The following SLC33A2 variants were observed in gnomAD, a reference collection of about 807,000 sequenced individuals.
SLC33A2 encodes the protein solute carrier family 33 member 2, also known as major facilitator superfamily domain containing 3.
the SLC33A2 span, chr8:144,509,331 G>A: frequency 2.1e-6 from 3 of 1,458,570 alleles, no homozygotes; most frequent in Non-Finnish European, 9.0e-7. Flanking sequence ...GGCCTGAGCC[G>A]CCATGCGCGG....
chr8:144,509,928 C>T, the SLC33A2 span: 10 of 1,580,720 alleles, frequency 6.3e-6, no homozygotes, highest in Non-Finnish European at 7.7e-6. Flanking sequence ...TTCCGAGCAG[C>T]GTCCCCACAC....
the SLC33A2 span, chr8:144,509,304 C>T: frequency 3.0e-5 from 43 of 1,428,512 alleles, no homozygotes; most frequent in Non-Finnish European, 3.8e-5. Flanking sequence ...GGAACCCGAC[C>T]TCCCAGCCTC....
At chr8:144,509,510 G>A in the SLC33A2 span, 2 of 1,530,998 alleles carry the variant, frequency 1.3e-6, no homozygotes, top group Non-Finnish European at 1.7e-6. Flanking sequence ...GGGCCCCGCT[G>A]GTGGACGCGC....
chr8:144,509,336 G>A, the SLC33A2 span: 1 of 1,464,346 alleles, frequency 6.8e-7, no homozygotes, highest in Non-Finnish European at 9.0e-7. Flanking sequence ...GAGCCGCCAT[G>A]CGCGGGAAGT....
At chr8:144,510,598 G>A in the SLC33A2 span, 13 of 1,585,360 alleles carry the variant, frequency 8.2e-6, no homozygotes, top group Non-Finnish European at 1.1e-5. Flanking sequence ...CCCATCCCAG[G>A]AAACTGCTGC....
At chr8:144,510,750 G>A in the SLC33A2 span, 1 of 1,604,890 alleles carries the variant, frequency 6.2e-7, no homozygotes, top group Non-Finnish European at 8.5e-7. Context: ...AGGAGGAAGA[G>A]AGGGGCCAGG....
chr8:144,510,112 C>T, the SLC33A2 span: 5 of 1,416,120 alleles, frequency 3.5e-6, no homozygotes, highest in Non-Finnish European at 3.8e-6. Flanking sequence ...GGGCCACGCT[C>T]TTTCTGGGGT....
At chr8:144,510,528 C>T in the SLC33A2 span, 1 of 1,612,212 alleles carries the variant, frequency 6.2e-7, no homozygotes, top group South Asian at 1.1e-5. Flanking sequence ...CCCAGTGTAC[C>T]CTGCCCACCC....
chr8:144,509,149 G>A, the SLC33A2 span: 1 of 561,122 alleles, frequency 1.8e-6, no homozygotes, highest in East Asian at 3.4e-5. Context: ...TTCTTCTGGG[G>A]TGTTGATGCT....
At chr8:144,509,085 A>G in the SLC33A2 span, 1 of 428,048 alleles carries the variant, frequency 2.3e-6, no homozygotes, top group Non-Finnish European at 4.1e-6. Context: ...GCATGCCGGG[A>G]GCCGCCGGCC....
chr8:144,510,462 C>T, the SLC33A2 span: 2 of 1,612,874 alleles, frequency 1.2e-6, no homozygotes, highest in Non-Finnish European at 1.7e-6. Context: ...GTGGTCTGCT[C>T]CATCGCTGGC....
At chr8:144,509,867 GGCCCTGGCCTGGGCTGCACCA>G in the SLC33A2 span, 1 of 1,538,964 alleles carries the variant, frequency 6.5e-7, no homozygotes, top group Non-Finnish European at 8.7e-7. Flanking sequence ...GGCTGGCCGC[GGCCCTGGCCTGGGCTGCACCA>G]GCCCTGCGGC....
the SLC33A2 span, chr8:144,510,793 G>A: frequency 3.1e-6 from 5 of 1,611,454 alleles, no homozygotes; most frequent in African/African-American, 1.3e-5. Context: ...TGCCCTCCCA[G>A]GGTCAGCCTT....
At chr8:144,509,700 G>T in the SLC33A2 span, 3 of 1,565,522 alleles carry the variant, frequency 1.9e-6, no homozygotes, top group Non-Finnish European at 2.6e-6. Flanking sequence ...GGACGCGCTG[G>T]CTGTGCAGCT....
chr8:144,511,173 G>A, the SLC33A2 span: 19 of 1,606,738 alleles, frequency 1.2e-5, no homozygotes, highest in African/African-American at 2.1e-4. Flanking sequence ...GAGCTGAGTG[G>A]CTGGAGTGGT....
the SLC33A2 span, chr8:144,509,471 G>A: frequency 9.1e-6 from 14 of 1,536,642 alleles, no homozygotes; most frequent in East Asian, 3.2e-4. Context: ...CCAAGGTTCT[G>A]TACGCTCCGT....
At chr8:144,510,814 T>C in the SLC33A2 span, 1 of 1,611,564 alleles carries the variant, frequency 6.2e-7, no homozygotes, top group Non-Finnish European at 8.5e-7. Context: ...GCTGAGCCTA[T>C]GTCTGCAGCA....
the SLC33A2 span, chr8:144,511,207 G>A: frequency 3.8e-6 from 6 of 1,587,988 alleles, no homozygotes; most frequent in African/African-American, 1.3e-5. Flanking sequence ...TGTGCCTGTG[G>A]CCCAGATGTC....
the SLC33A2 span, chr8:144,509,715 G>T: frequency 6.4e-7 from 1 of 1,567,768 alleles, no homozygotes; most frequent in Non-Finnish European, 8.6e-7. Context: ...GCAGCTGCTG[G>T]AGCCGGCCGA....
Sources: gnomAD v4.1 joint callset for allele counts on GRCh38, gnomAD v4.1.1 for gene constraint, MANE v1.5 for transcripts, NCBI Gene and HGNC (gene_info 2026-07-23, HGNC 2026-07-21) for gene names.